The following CADM2 variants were observed in gnomAD, a reference collection of about 807,000 sequenced individuals.
CADM2 encodes cell adhesion molecule 2.
Under a neutral mutation model 49.8 loss-of-function variants are expected in CADM2, and 12 were observed. That is an observed-to-expected ratio of 0.24 (90% CI 0.15 to 0.39). The LOEUF is 0.39. CADM2 is among the 10% of genes least tolerant of loss of function. CADM2 has a pLI of 1.00. For synonymous variants in CADM2, 214 were observed against 175.4 expected (o/e 1.22, Z -1.74); for missense variants, 378 against 492.3 (o/e 0.77, Z 2.20).
At chr3:85,232,757 G>A (rs1261731363) in intron 1 of CADM2, among the ~76,000 whole-genome samples, 1 of 152,160 alleles carries the variant, frequency 6.6e-6, no homozygotes, top group Non-Finnish European at 1.5e-5. Context: ...GGCTAACAAA[G>A]ATGTGGAGCA....
At chr3:85,109,083 G>A (rs972792390) in intron 1 of CADM2, among the ~76,000 whole-genome samples, 2 of 151,956 alleles carry the variant, frequency 1.3e-5, no homozygotes, top group Admixed American at 1.3e-4. Flanking sequence ...ATGAAATAAT[G>A]TGCTAGGTTT....
intron 7 of CADM2, among the ~76,000 whole-genome samples, chr3:85,946,091 C>A (rs1722654431): frequency 6.6e-6 from 1 of 152,124 alleles, no homozygotes; most frequent in African/African-American, 2.4e-5. Flanking sequence ...TCTCAGGATA[C>A]AAAATCAATG....
chr3:86,017,975 C>T (rs1435418789), intron 8 of CADM2, among the ~76,000 whole-genome samples: 3 of 136,714 alleles, frequency 2.2e-5, no homozygotes, highest in Admixed American at 7.4e-5. Context: ...GCGCTGCACC[C>T]ACTAACTCGT....
chr3:85,274,513 C>G (rs920516872), intron 1 of CADM2, among the ~76,000 whole-genome samples: 2 of 151,306 alleles, frequency 1.3e-5, no homozygotes, highest in Non-Finnish European at 3.0e-5. Context: ...TGAATGGATT[C>G]AAGATGGGAG....
chr3:85,769,599 CAT>C (rs201086652), intron 2 of CADM2, among the ~76,000 whole-genome samples: 1,016 of 89,796 alleles, frequency 0.011, 123 homozygotes, highest in African/African-American at 0.04. Flanking sequence ...AGTATATACA[CAT>C]ATATACATAT....
At chr3:85,905,425 T>C (rs551167328) in intron 5 of CADM2, among the ~76,000 whole-genome samples, 2 of 152,260 alleles carry the variant, frequency 1.3e-5, no homozygotes, top group African/African-American at 4.8e-5. Flanking sequence ...GAATTATATA[T>C]ATTGACATGG....
intron 1 of CADM2, among the ~76,000 whole-genome samples, chr3:85,641,318 C>T (rs1250932664): frequency 1.3e-5 from 2 of 152,092 alleles, no homozygotes; most frequent in Non-Finnish European, 2.9e-5. Context: ...TTTAAATGTT[C>T]TACCCTATAC....
intron 1 of CADM2, among the ~76,000 whole-genome samples, chr3:85,515,559 A>C (rs1559880714): frequency 6.8e-6 from 1 of 147,902 alleles, no homozygotes; most frequent in Non-Finnish European, 1.5e-5. Flanking sequence ...AGTAGCTGGG[A>C]TTACAGGAGA....
chr3:85,987,269 A>T (rs1029156166), intron 8 of CADM2, among the ~76,000 whole-genome samples: 2 of 152,038 alleles, frequency 1.3e-5, no homozygotes, highest in African/African-American at 4.8e-5. Flanking sequence ...GACTTGCATA[A>T]TTTAAAACAT....
intron 1 of CADM2, among the ~76,000 whole-genome samples, chr3:85,253,230 G>A (rs2042813960): frequency 6.6e-6 from 1 of 152,160 alleles, no homozygotes; most frequent in East Asian, 1.9e-4. Context: ...TACAATAGAT[G>A]CATGATTGCA....
intron 1 of CADM2, among the ~76,000 whole-genome samples, chr3:85,423,108 T>TCC (rs1576526261): frequency 6.6e-6 from 1 of 151,840 alleles, no homozygotes; most frequent in South Asian, 2.1e-4. Context: ...AAAATGATCT[T>TCC]CCCCCGGAGT....
chr3:85,776,205 A>G (rs947866609), intron 2 of CADM2, among the ~76,000 whole-genome samples: 2 of 151,942 alleles, frequency 1.3e-5, no homozygotes, highest in Non-Finnish European at 1.5e-5. Context: ...TAGGCTTATT[A>G]TAGTCTTCAT....
intron 1 of CADM2, among the ~76,000 whole-genome samples, chr3:85,066,963 GATATTTGGTTTTCGTTTCCACAGGGCT>G (rs2036548196): frequency 6.6e-6 from 1 of 151,958 alleles, no homozygotes; most frequent in Non-Finnish European, 1.5e-5. Flanking sequence ...GCTGGGGCAG[GATATTTGGTTTTCGTTTCCACAGGGCT>G]ATATTTGTAT....
intron 1 of CADM2, among the ~76,000 whole-genome samples, chr3:85,539,726 A>G (rs559699875): frequency 1.2e-4 from 18 of 152,196 alleles, no homozygotes; most frequent in Non-Finnish European, 2.4e-4. Context: ...AGAGAGGTGG[A>G]TAATTAAAGA....
In CADM2 at chr3:86,005,963, A is replaced by G. The variant is rs187403980; in HGVS notation, c.970+44316A>G. Among the ~76,000 whole-genome samples the G allele has an allele frequency of 1.0e-3, 152 of 152,286 alleles. 1 individual carries two copies. Among genetic ancestry groups the G allele is most frequent in the Admixed American group, 9.5e-3 (145 of 15,292 alleles). On this transcript the variant is annotated intron_variant, in intron 8 of 9. Coordinates refer to ENST00000383699, the MANE Select transcript of CADM2 (RefSeq NM_001167675.2). ...TTAGATTCAACAAATAAGTGAGAAC[A>G]TGCAGTGTTTATCTTTCGTGCCTGG...
intron 1 of CADM2, among the ~76,000 whole-genome samples, chr3:85,678,846 C>T (rs1445584272): frequency 6.6e-6 from 1 of 152,058 alleles, no homozygotes; most frequent in Non-Finnish European, 1.5e-5. Context: ...CCCTAGCTGA[C>T]ATTTGGCAAT....
At chr3:85,255,847 C>A (rs1474631794) in intron 1 of CADM2, among the ~76,000 whole-genome samples, 2 of 152,046 alleles carry the variant, frequency 1.3e-5, no homozygotes, top group African/African-American at 4.8e-5. Context: ...GTTTCTGTTT[C>A]ACCACATATA....
intron 1 of CADM2, among the ~76,000 whole-genome samples, chr3:85,063,224 C>T (rs2036401403): frequency 6.6e-6 from 1 of 151,854 alleles, no homozygotes. Context: ...TATTATATTT[C>T]TATCAAACTT....
chr3:85,588,190 T>C (rs933495854), intron 1 of CADM2, among the ~76,000 whole-genome samples: 2 of 152,040 alleles, frequency 1.3e-5, no homozygotes, highest in African/African-American at 4.8e-5. Context: ...TTTAAAAGCA[T>C]ATATCCAGGT....
Sources: allele counts gnomAD v4.1 joint callset (sites outside exome capture counted in the v4.1 genomes callset), GRCh38; gene constraint gnomAD v4.1.1; transcripts MANE v1.5; gene names NCBI Gene and HGNC (gene_info 2026-07-23, HGNC 2026-07-21).